Variants in BNC2 observed in about 807,000 individuals in gnomAD.
BNC2 encodes the protein zinc finger protein basonuclin-2.
In BNC2, 20 loss-of-function variants were observed where a neutral mutation model predicts 76.3. The ratio of observed to expected loss-of-function variants is 0.26; its 90% CI spans 0.18 to 0.38. The LOEUF is 0.38. Among genes scored for constraint, BNC2 ranks in the 10% least tolerant of loss-of-function variants. The pLI is 1.00. For synonymous variants in BNC2, 582 were observed against 514.8 expected (o/e 1.13, Z -1.77); for missense variants, 1,382 against 1,399.8 (o/e 0.99, Z 0.20).
At chr9:16,626,954 C>T (rs1260568138) in intron 3 of BNC2, among the ~76,000 whole-genome samples, 4 of 152,202 alleles carry the variant, frequency 2.6e-5, no homozygotes, top group Non-Finnish European at 4.4e-5. Flanking sequence ...ACAGCACGGG[C>T]ATGTCTCCGT....
At chr9:16,630,343 G>C (rs1035176770) in intron 3 of BNC2, among the ~76,000 whole-genome samples, 1 of 152,192 alleles carries the variant, frequency 6.6e-6, no homozygotes, top group Non-Finnish European at 1.5e-5. Flanking sequence ...ATATGGCTGA[G>C]CCAAAATTAT....
At chr9:16,659,392 G>A (rs1002665916) in intron 3 of BNC2, among the ~76,000 whole-genome samples, 11 of 151,960 alleles carry the variant, frequency 7.2e-5, no homozygotes, top group Non-Finnish European at 1.6e-4. Flanking sequence ...GGCAGATCAG[G>A]AGGTCAGGAG....
Position 16,482,472 on chromosome 9 carries a change from C to T in BNC2, c.670-44948G>A, listed in dbSNP as rs11793250. Among the ~76,000 whole-genome samples the T allele has an allele frequency of 7.8e-4, 119 of 152,098 alleles. 1 individual carries two copies. Among genetic ancestry groups the T allele is most frequent in the Non-Finnish European group, 1.4e-3 (97 of 67,990 alleles). ...CTAATAGGCAGAAAAAAAAAACCCTCTTCTTATATTGAACAACAAAAGAAG... is the reference window on the plus strand; with the variant it reads ...CTAATAGGCAGAAAAAAAAAACCCTTTTCTTATATTGAACAACAAAAGAAG... On this transcript the variant is annotated intron_variant, in intron 5 of 6. Transcript: ENST00000380672.
At chr9:16,602,907 T>G (rs948245645) in intron 3 of BNC2, among the ~76,000 whole-genome samples, 3 of 152,222 alleles carry the variant, frequency 2.0e-5, no homozygotes, top group African/African-American at 7.2e-5. Context: ...ATAGTATTCC[T>G]TGACTAATAA....
At chr9:16,490,094 GA>G (rs1311637060) in intron 5 of BNC2, among the ~76,000 whole-genome samples, 35 of 152,178 alleles carry the variant, frequency 2.3e-4, no homozygotes, top group Admixed American at 1.4e-3. Context: ...CCAAATCAAA[GA>G]CCTTTCTCCC....
intron 1 of BNC2, among the ~76,000 whole-genome samples, chr9:16,749,985 C>G (rs1258863884): frequency 6.6e-6 from 1 of 152,124 alleles, no homozygotes; most frequent in Non-Finnish European, 1.5e-5. Context: ...GGAATTTTAT[C>G]AGTTTTATAT....
chr9:16,464,854 A>G (rs1026966527), intron 5 of BNC2, among the ~76,000 whole-genome samples: 1 of 152,212 alleles, frequency 6.6e-6, no homozygotes, highest in African/African-American at 2.4e-5. Flanking sequence ...TTCTTCTTTC[A>G]TAAGTCTTCC....
At chr9:16,533,061 A>C (rs1012642155) in intron 5 of BNC2, among the ~76,000 whole-genome samples, 23 of 152,246 alleles carry the variant, frequency 1.5e-4, no homozygotes, top group Non-Finnish European at 1.9e-4. Context: ...ACACTCATTT[A>C]AACTTTATAA....
At chr9:16,531,237 GGGC>G (rs1817965046) in intron 5 of BNC2, among the ~76,000 whole-genome samples, 2 of 152,132 alleles carry the variant, frequency 1.3e-5, no homozygotes, top group Non-Finnish European at 2.9e-5. Flanking sequence ...GGCCACTCCA[GGGC>G]TACTTAAACC....
intron 5 of BNC2, among the ~76,000 whole-genome samples, chr9:16,540,746 C>A (rs1430965302): frequency 1.3e-5 from 2 of 152,146 alleles, no homozygotes; most frequent in Admixed American, 1.3e-4. Flanking sequence ...TACAAAGGCG[C>A]TAATGACATT....
intron 3 of BNC2, among the ~76,000 whole-genome samples, chr9:16,616,499 C>T (rs947446448): frequency 1.1e-4 from 17 of 151,716 alleles, no homozygotes; most frequent in Non-Finnish European, 1.6e-4. Flanking sequence ...GAGTTCAAGA[C>T]CAGTGTGGGC....
chr9:16,611,775 A>G (rs1820552849), intron 3 of BNC2, among the ~76,000 whole-genome samples: 1 of 152,198 alleles, frequency 6.6e-6, no homozygotes, highest in Non-Finnish European at 1.5e-5. Context: ...AATAATGATT[A>G]AGCTCAATTT....
chr9:16,513,140 AAAAAG>A (rs1227734788), intron 5 of BNC2, among the ~76,000 whole-genome samples: 8 of 151,960 alleles, frequency 5.3e-5, no homozygotes, highest in South Asian at 2.1e-4. Flanking sequence ...AAATGAAATA[AAAAAG>A]AAAAGAAAAG....
intron 3 of BNC2, among the ~76,000 whole-genome samples, chr9:16,667,068 C>G (rs112944817): frequency 1.3e-5 from 2 of 150,352 alleles, no homozygotes; most frequent in African/African-American, 5.0e-5. Context: ...GCACACATCA[C>G]TCAGATACAC....
intron 3 of BNC2, among the ~76,000 whole-genome samples, chr9:16,591,562 C>A (rs1819929309): frequency 6.6e-6 from 1 of 152,124 alleles, no homozygotes; most frequent in Admixed American, 6.5e-5. Flanking sequence ...ATACATAAAT[C>A]TAAGTCTGAA....
At chr9:16,482,398 G>C (rs1321458593) in intron 5 of BNC2, among the ~76,000 whole-genome samples, 1 of 151,802 alleles carries the variant, frequency 6.6e-6, no homozygotes, top group Admixed American at 6.6e-5. Flanking sequence ...CAATAGTGTT[G>C]GGAAACCTTT....
chr9:16,771,433 C>A lies in BNC2; in HGVS notation c.4-32948G>T, dbSNP rs143358505. On this transcript the variant is annotated intron_variant, in intron 1 of 6. Coordinates refer to ENST00000380672, the MANE Select transcript of BNC2 (RefSeq NM_017637.6). The stretch of plus-strand genomic sequence containing the variant: ...ACTTGGCTCTTACTGTCTGCAATCC[C>A]AGAAGTTCATTAAATACTGCTATAT... 1.6e-3 allele frequency among the ~76,000 whole-genome samples: 248 copies of A among 152,298 alleles called. 2 individuals are homozygous for A. The highest frequency in any genetic ancestry group is 5.9e-3 in the African/African-American group (246 of 41,572).
chr9:16,463,040 T>G (rs1449379232), intron 5 of BNC2, among the ~76,000 whole-genome samples: 1 of 152,108 alleles, frequency 6.6e-6, no homozygotes, highest in African/African-American at 2.4e-5. Context: ...ATTACTCCAC[T>G]GGCCTCTCTC....
At chr9:16,734,201 G>T (rs759172640) in intron 2 of BNC2, among the ~76,000 whole-genome samples, 7 of 152,114 alleles carry the variant, frequency 4.6e-5, no homozygotes, top group Non-Finnish European at 8.8e-5. Context: ...ATGCATGCAC[G>T]CCAACTACTG....
Sources: gnomAD v4.1 joint callset for allele counts (sites outside exome capture counted in the v4.1 genomes callset) on GRCh38, gnomAD v4.1.1 for gene constraint, MANE v1.5 for transcripts, NCBI Gene and HGNC (gene_info 2026-07-23, HGNC 2026-07-21) for gene names.